Variants in TANC2 observed in about 807,000 individuals in gnomAD.
TANC2 encodes protein TANC2.
TANC2 carries 26 observed loss-of-function variants against 210.5 expected under a neutral mutation model. The observed-to-expected ratio is 0.12, with a 90% CI of 0.09 to 0.17. TANC2 has a LOEUF of 0.17. Among genes scored for constraint, TANC2 ranks in the 10% least tolerant of loss-of-function variants. The pLI is 1.00. For missense variants in TANC2, 2,129 were observed against 2,608.9 expected (o/e 0.82, Z 4.01); for synonymous variants, 931 against 967.1 (o/e 0.96, Z 0.69).
intron 2 of TANC2, among the ~76,000 whole-genome samples, chr17:63,067,908 T>C (rs1568359110): frequency 6.6e-6 from 1 of 152,314 alleles, no homozygotes; most frequent in Non-Finnish European, 1.5e-5. Flanking sequence ...GAAGAACTTA[T>C]AGCTGGGAAT....
At chr17:63,034,770 G>A (rs1020658434) in intron 2 of TANC2, among the ~76,000 whole-genome samples, 3 of 152,124 alleles carry the variant, frequency 2.0e-5, no homozygotes, top group Non-Finnish European at 4.4e-5. Context: ...ACTAGGATTC[G>A]AAATACAGCC....
At chr17:63,280,727 T>C (rs1262975853) in intron 9 of TANC2, among the ~76,000 whole-genome samples, 1 of 152,126 alleles carries the variant, frequency 6.6e-6, no homozygotes, top group Non-Finnish European at 1.5e-5. Flanking sequence ...AATTGCTAGG[T>C]AGATTTTATG....
At chr17:63,285,925 C>G (rs1268397411) in intron 9 of TANC2, among the ~76,000 whole-genome samples, 1 of 151,950 alleles carries the variant, frequency 6.6e-6, no homozygotes, top group Admixed American at 6.6e-5. Flanking sequence ...GGTAAGAACC[C>G]TCCTGAAATC....
At chr17:63,347,422 C>G (rs2046447951) in intron 12 of TANC2, among the ~76,000 whole-genome samples, 1 of 152,158 alleles carries the variant, frequency 6.6e-6, no homozygotes, top group Non-Finnish European at 1.5e-5. Context: ...TACATGAGTA[C>G]ATATAGCTGT....
chr17:62,995,836 G>T (rs945987367), intron 1 of TANC2, among the ~76,000 whole-genome samples: 1 of 152,188 alleles, frequency 6.6e-6, no homozygotes, highest in African/African-American at 2.4e-5. Flanking sequence ...GGTGTGCGCC[G>T]GTAGTCCTAG....
chr17:63,332,221 A>G (rs1416944785), intron 11 of TANC2: 4 of 361,722 alleles, frequency 1.1e-5, no homozygotes, highest in South Asian at 2.3e-5. Flanking sequence ...AATTTTGGCT[A>G]TAATAACCTT....
intron 5 of TANC2, among the ~76,000 whole-genome samples, chr17:63,175,181 A>G (rs142264700): frequency 8.5e-4 from 130 of 152,352 alleles, no homozygotes; most frequent in African/African-American, 2.9e-3. Flanking sequence ...AATTTTACAA[A>G]AGAATAATAA....
chr17:63,223,586 G>A (rs2042251160), intron 7 of TANC2, among the ~76,000 whole-genome samples: 1 of 149,340 alleles, frequency 6.7e-6, no homozygotes. Flanking sequence ...TATATATAGT[G>A]TATATATATA....
At chr17:63,385,768 G>A (rs2047759426) in intron 15 of TANC2, among the ~76,000 whole-genome samples, 1 of 152,170 alleles carries the variant, frequency 6.6e-6, no homozygotes, top group Non-Finnish European at 1.5e-5. Flanking sequence ...AGAGAATATG[G>A]ACTATGTAGA....
chr17:63,168,095 C>G (rs138751070), intron 5 of TANC2, among the ~76,000 whole-genome samples: 2 of 152,042 alleles, frequency 1.3e-5, no homozygotes, highest in African/African-American at 4.8e-5. Context: ...TGGCCAGATA[C>G]GATGGCTCGT....
At chr17:63,242,284 A>C (rs2042795157) in intron 8 of TANC2, among the ~76,000 whole-genome samples, 1 of 152,144 alleles carries the variant, frequency 6.6e-6, no homozygotes, top group African/African-American at 2.4e-5. Context: ...TGTGAGGCTA[A>C]TACTATTGTA....
At chr17:63,016,682 C>T (rs1002286703) in intron 2 of TANC2, among the ~76,000 whole-genome samples, 3 of 152,120 alleles carry the variant, frequency 2.0e-5, no homozygotes, top group Non-Finnish European at 4.4e-5. Context: ...TCTGTCATGG[C>T]ATAAGGGTTC....
At position 63,418,297 on chromosome 17, in the gene TANC2, G is replaced by GT. The variant is rs1568003966; in HGVS notation, c.4168-9dup. ...TCAATGACTCATTTGCACACCTATT[G>GT]TAATGACAGGATTTTGGAATGGCGG... On this transcript the variant is annotated splice_polypyrimidine_tract_variant and intron_variant, in intron 26 of 27. Coordinates refer to ENST00000689528, the Ensembl canonical transcript of TANC2. This position sits in a 1 kb window ranked among gnomAD's most constrained non-coding sequence, Gnocchi z 4.6. The GT allele has an allele frequency of 6.8e-6, 11 of 1,611,478 alleles. No individual in the cohort carries two copies. The highest frequency in any genetic ancestry group is 7.6e-6 in the Non-Finnish European group (9 of 1,178,636).
intron 18 of TANC2, among the ~76,000 whole-genome samples, chr17:63,398,370 T>G (rs2048235162): frequency 6.6e-6 from 1 of 151,678 alleles, no homozygotes; most frequent in African/African-American, 2.4e-5. Flanking sequence ...GTGCAAAGAT[T>G]GCTTGAGCCT....
intron 12 of TANC2, among the ~76,000 whole-genome samples, chr17:63,343,738 A>C (rs2146817772): frequency 6.6e-6 from 1 of 152,048 alleles, no homozygotes; most frequent in Non-Finnish European, 1.5e-5. Flanking sequence ...TACCCATCTC[A>C]ACAACAACAC....
intron 6 of TANC2, among the ~76,000 whole-genome samples, chr17:63,199,038 C>T (rs538402364): frequency 6.6e-6 from 1 of 152,158 alleles, no homozygotes; most frequent in South Asian, 2.1e-4. Flanking sequence ...CTTTTGTAAC[C>T]TGGTTATAGT....
At chr17:63,353,225 A>C (rs1474264056) in intron 13 of TANC2, among the ~76,000 whole-genome samples, 1 of 152,156 alleles carries the variant, frequency 6.6e-6, no homozygotes, top group Non-Finnish European at 1.5e-5. Context: ...ATTTCGTTGG[A>C]CTGTATTTTG....
chr17:63,185,828 AT>A (rs1180405306), intron 5 of TANC2, among the ~76,000 whole-genome samples: 1 of 152,018 alleles, frequency 6.6e-6, no homozygotes, highest in African/African-American at 2.4e-5. Flanking sequence ...TCTTTTGTCT[AT>A]TTTTTAATTG....
chr17:63,041,474 A>G (rs1175951217), intron 2 of TANC2, among the ~76,000 whole-genome samples: 1 of 152,184 alleles, frequency 6.6e-6, no homozygotes, highest in African/African-American at 2.4e-5. Context: ...TTAGTATCAC[A>G]TAAAAACAAA....
Sources: allele counts gnomAD v4.1 joint callset (sites outside exome capture counted in the v4.1 genomes callset), GRCh38; gene constraint gnomAD v4.1.1; non-coding constraint Gnocchi (gnomAD v3.1); transcripts MANE v1.5; gene names NCBI Gene and HGNC (gene_info 2026-07-23, HGNC 2026-07-21).